The following CRYZL1 variants were observed in gnomAD, a reference collection of about 807,000 sequenced individuals.
CRYZL1 encodes the protein ferry endosomal RAB5 effector complex subunit 4.
CRYZL1 carries 34 observed loss-of-function variants against 50.6 expected under a neutral mutation model. That is an observed-to-expected ratio of 0.67 (90% confidence interval 0.51 to 0.89). The LOEUF (loss-of-function observed/expected upper bound fraction) is 0.89. Among genes scored for constraint, CRYZL1 ranks in the 40% least tolerant of loss-of-function variants. CRYZL1 has a pLI of 0.00. For synonymous variants in CRYZL1, 125 were observed against 134.3 expected (o/e 0.93, Z 0.48); for missense variants, 354 against 402.3 (o/e 0.88, Z 1.03).
chr21:33,600,933 G>GT (rs764185960), intron 8 of CRYZL1, among the ~76,000 whole-genome samples: 8,479 of 59,894 alleles, frequency 0.14, 1,755 homozygotes, highest in Middle Eastern at 0.25. Flanking sequence ...GGTCCATAAA[G>GT]TTTTTTTTTT....
At chr21:33,628,732 G>T (rs1220600732) in intron 2 of CRYZL1, among the ~76,000 whole-genome samples, 3 of 151,324 alleles carry the variant, frequency 2.0e-5, no homozygotes, top group Non-Finnish European at 4.4e-5. Context: ...CTCCCAAGTA[G>T]CTGGGACTAC....
intron 12 of CRYZL1, among the ~76,000 whole-genome samples, chr21:33,590,564 G>C (rs995759367): frequency 6.6e-6 from 1 of 151,954 alleles, no homozygotes; most frequent in Non-Finnish European, 1.5e-5. Flanking sequence ...ATGGGCGTTC[G>C]CCACCACGCT....
chr21:33,594,412 G>C (rs982172347), intron 11 of CRYZL1: 4 of 151,356 alleles, frequency 2.6e-5, no homozygotes, highest in Admixed American at 6.6e-5. Flanking sequence ...CCCCCACCTC[G>C]GCCTCCCAAA....
chr21:33,627,739 G>GTTTTTTTTTTTTT (rs35217060), intron 2 of CRYZL1, among the ~76,000 whole-genome samples: 1 of 84,362 alleles, frequency 1.2e-5, no homozygotes, highest in Non-Finnish European at 2.2e-5. Flanking sequence ...ATGAGACATG[G>GTTTTTTTTTTTTT]TTTTTTTTTT....
intron 8 of CRYZL1, among the ~76,000 whole-genome samples, chr21:33,601,002 T>G (rs2086750566): frequency 7.5e-6 from 1 of 133,902 alleles, no homozygotes; most frequent in Admixed American, 8.8e-5. Context: ...ACTGACACGA[T>G]CTCGGCTCAC....
intron 10 of CRYZL1, chr21:33,596,280 T>C: frequency 2.5e-6 from 1 of 399,384 alleles, no homozygotes; most frequent in Non-Finnish European, 5.0e-6. Flanking sequence ...GATAATTTTA[T>C]ATAGAAATAT....
chr21:33,613,546 T>C lies in CRYZL1; in HGVS notation c.323A>G (p.His108Arg), dbSNP rs1367541543. The change falls in exon 6 of 13, where the codon CAT (histidine) becomes CGT (arginine). Residue 108 changes from histidine to arginine, a missense_variant. By Grantham distance (29) the His-to-Arg change is conservative. Transcript: ENST00000381554. ...GLCEVVRVHE[H>R]YLVHKPEKVT... Reference sequence around the variant, plus strand: ...ACTGAATTGCTACATACCCAAGTAATGCTCATGTACTCTAACAACTTCACA... The same window carrying C: ...ACTGAATTGCTACATACCCAAGTAACGCTCATGTACTCTAACAACTTCACA... 2 of 1,609,522 alleles carry C rather than the reference T, an allele frequency of 1.2e-6. No individual in the cohort carries two copies. Among genetic ancestry groups the C allele is most frequent in the Non-Finnish European group, 8.5e-7 (1 of 1,175,904 alleles).
intron 6 of CRYZL1, among the ~76,000 whole-genome samples, chr21:33,606,625 CA>C (rs201547376): frequency 2.7e-5 from 4 of 148,084 alleles, no homozygotes; most frequent in African/African-American, 7.4e-5. Flanking sequence ...GACTTTGTCT[CA>C]AAAAAAAAAT....
chr21:33,613,341 A>G (rs1005731790), intron 6 of CRYZL1, among the ~76,000 whole-genome samples, 197 bp downstream of exon 6: 2 of 152,234 alleles, frequency 1.3e-5, no homozygotes, highest in Admixed American at 6.5e-5. Flanking sequence ...TTTAGTCTGA[A>G]TATGAATTTT....
intron 11 of CRYZL1, chr21:33,594,659 T>TTTC (rs2086676539): frequency 6.8e-6 from 1 of 147,790 alleles, no homozygotes; most frequent in Admixed American, 6.8e-5. Context: ...TTTTTTTTTT[T>TTTC]TTGAGATGGA....
At chr21:33,607,455 A>G (rs1026302063) in intron 6 of CRYZL1, among the ~76,000 whole-genome samples, 1 of 152,092 alleles carries the variant, frequency 6.6e-6, no homozygotes, top group African/African-American at 2.4e-5. Context: ...CCTGGGCAAC[A>G]TGGCAAGACA....
At chr21:33,626,118 T>C (rs1435312642) in intron 2 of CRYZL1, among the ~76,000 whole-genome samples, 1 of 151,922 alleles carries the variant, frequency 6.6e-6, no homozygotes, top group Non-Finnish European at 1.5e-5. Flanking sequence ...TATGCCTGGC[T>C]AATTTTTTTT....
intron 6 of CRYZL1, among the ~76,000 whole-genome samples, chr21:33,604,598 G>A (rs2086792207): frequency 6.6e-6 from 1 of 151,520 alleles, no homozygotes; most frequent in Admixed American, 6.6e-5. Flanking sequence ...CATACCATAT[G>A]CATTCTTTTC....
chr21:33,632,580 G>A (rs571845392), intron 1 of CRYZL1, among the ~76,000 whole-genome samples: 9 of 151,884 alleles, frequency 5.9e-5, no homozygotes, highest in African/African-American at 1.9e-4. Flanking sequence ...GATTCACCAC[G>A]TTGGCCAGGC....
At chr21:33,597,828 A>T (rs2086711454) in intron 9 of CRYZL1, among the ~76,000 whole-genome samples, 1 of 151,926 alleles carries the variant, frequency 6.6e-6, no homozygotes, top group Non-Finnish European at 1.5e-5. Flanking sequence ...GTTAGCCAGG[A>T]TGGTCTCAAT....
At position 33,624,762 on chromosome 21, in the gene CRYZL1, T is replaced by C; in HGVS notation, c.67-2A>G. On this transcript the variant is annotated splice_acceptor_variant, in intron 2 of 12. Coordinates refer to ENST00000381554, the MANE Select transcript of CRYZL1 (RefSeq NM_145858.3). LOFTEE classifies it high-confidence loss of function. ...ATCCTCTGTAACAGGAAGATCTTCC[T>C]AGAACCAAATGATAACAAAACAATA... 1 of 1,591,950 alleles carries C rather than the reference T, an allele frequency of 6.3e-7. No homozygotes were observed. Among genetic ancestry groups the C allele is most frequent in the Admixed American group, 1.9e-5 (1 of 52,370 alleles).
intron 6 of CRYZL1, among the ~76,000 whole-genome samples, chr21:33,609,149 A>G (rs1321918231): frequency 6.6e-6 from 1 of 152,182 alleles, no homozygotes; most frequent in Non-Finnish European, 1.5e-5. Flanking sequence ...ATGTCTATTC[A>G]GGTCCTTTGA....
chr21:33,600,088 C>T (rs773964881), intron 8 of CRYZL1, among the ~76,000 whole-genome samples: 21 of 152,082 alleles, frequency 1.4e-4, no homozygotes, highest in Non-Finnish European at 2.2e-4. Context: ...ATAAACCGAT[C>T]GTAACATTTA....
chr21:33,590,309 AC>A (rs1333090966), intron 12 of CRYZL1, among the ~76,000 whole-genome samples: 3 of 150,670 alleles, frequency 2.0e-5, no homozygotes, highest in African/African-American at 7.3e-5. Context: ...GAGCCACTGC[AC>A]CCGGCCTCAA....
Sources: allele counts gnomAD v4.1 joint callset (sites outside exome capture counted in the v4.1 genomes callset), GRCh38; gene constraint gnomAD v4.1.1; transcripts MANE v1.5; gene names NCBI Gene and HGNC (gene_info 2026-07-23, HGNC 2026-07-21).